Variants in MAST4 observed in about 807,000 individuals in gnomAD.
MAST4 encodes the protein microtubule-associated serine/threonine-protein kinase 4.
In MAST4, 89 loss-of-function variants were observed where a neutral mutation model predicts 162.7. The ratio of observed to expected loss-of-function variants is 0.55; its 90% confidence interval spans 0.46 to 0.65. The LOEUF (loss-of-function observed/expected upper bound fraction) is 0.65. Ranked by LOEUF, MAST4 falls within the 30% of genes least tolerant of loss-of-function variation. The pLI is 0.00. For synonymous variants in MAST4, 1,479 were observed against 1,361.1 expected, an observed-to-expected ratio of 1.09 and a Z score of -1.91; for missense variants, 3,153 against 3,374.0, an observed-to-expected ratio of 0.93 and a Z score of 1.62.
At chr5:67,126,196 C>T (rs1451331339) in intron 14 of MAST4, among the ~76,000 whole-genome samples, 10 of 152,046 alleles carry the variant, frequency 6.6e-5, no homozygotes, top group South Asian at 2.1e-4. Context: ...CTGTAGGTTG[C>T]GTGTTCACTC....
At chr5:66,824,087 C>T (rs1390401583) in intron 3 of MAST4, among the ~76,000 whole-genome samples, 2 of 152,194 alleles carry the variant, frequency 1.3e-5, no homozygotes, top group African/African-American at 4.8e-5. Flanking sequence ...TATTGACTTA[C>T]CTCTGAATGA....
At chr5:66,619,210 A>C (rs1399465587) in intron 1 of MAST4, among the ~76,000 whole-genome samples, 3 of 152,082 alleles carry the variant, frequency 2.0e-5, no homozygotes, top group Non-Finnish European at 4.4e-5. Context: ...TGGGGACTTG[A>C]CGGGATGTTT....
At chr5:67,143,148 T>G (rs1237813901) in intron 21 of MAST4, 2 of 152,062 alleles carry the variant, frequency 1.3e-5, no homozygotes, top group Admixed American at 6.6e-5. Context: ...CTGCCAGGCA[T>G]AGTGGCTCAC....
At position 67,134,633 on chromosome 5, in the gene MAST4, A is replaced by G. The variant is rs759088961; in HGVS notation, c.2337A>G (p.Gly779=). Reference sequence around the variant, plus strand: ...TTATCCTCTATGAATTTCTGGTTGGATGCGTGCCATTCTTTGGGGATACTC... The same window carrying G: ...TTATCCTCTATGAATTTCTGGTTGGGTGCGTGCCATTCTTTGGGGATACTC... ...MGIILYEFLV[G]CVPFFGDTPE... Residue 779 remains glycine (G), a synonymous_variant, in exon 18 of 29, where the codon GGA becomes GGG. Transcript: ENST00000403625. 2 of 1,613,632 alleles carry G rather than the reference A, an allele frequency of 1.2e-6. No individual in the cohort carries two copies. Among genetic ancestry groups the G allele is most frequent in the East Asian group, 2.2e-5 (1 of 44,884 alleles).
rs540524632 is a variant in MAST4 at position 66,750,454 on chromosome 5, C to T, written c.364-9255C>T. ...GTGGGTGCGTGCACCGTGTGCGAGC[C>T]GAAGCAGGGCGAGGCACTGCCTCAC... On this transcript the variant is annotated intron_variant, in intron 1 of 28. Transcript: ENST00000403625. 7.5e-3 allele frequency among the ~76,000 whole-genome samples: 1,141 copies of T among 152,270 alleles called. 2 individuals carry two copies. Among genetic ancestry groups the T allele is most frequent in the Middle Eastern group, 0.024 (7 of 294 alleles).
At chr5:66,755,495 A>G (rs1157635460) in intron 1 of MAST4, among the ~76,000 whole-genome samples, 1 of 152,178 alleles carries the variant, frequency 6.6e-6, no homozygotes, top group Non-Finnish European at 1.5e-5. Context: ...TTATAGACAG[A>G]TGGGTGGTAT....
chr5:67,058,433 C>T (rs746369701), intron 5 of MAST4, among the ~76,000 whole-genome samples: 5 of 152,156 alleles, frequency 3.3e-5, no homozygotes, highest in Non-Finnish European at 7.4e-5. Context: ...ATTTATCTTA[C>T]TGATATTCTC....
chr5:66,645,934 C>T (rs1745802613), intron 1 of MAST4, among the ~76,000 whole-genome samples: 1 of 152,050 alleles, frequency 6.6e-6, no homozygotes, highest in African/African-American at 2.4e-5. Flanking sequence ...GGTTTTAAAA[C>T]ATTTTAGACA....
Position 66,733,529 on chromosome 5 carries a change from G to A in MAST4, c.364-26180G>A, listed in dbSNP as rs189267905. Among the ~76,000 whole-genome samples, 244 of 152,186 alleles carry A rather than the reference G, an allele frequency of 1.6e-3. 1 individual carries two copies. The highest frequency in any genetic ancestry group is 1.7e-3 in the Non-Finnish European group (118 of 68,016). On this transcript the variant is annotated intron_variant, in intron 1 of 28. Coordinates refer to ENST00000403625, the MANE Select transcript of MAST4 (RefSeq NM_001164664.2). Reference sequence around the variant, plus strand: ...GGCTGGAGTGCAGTGGTGCGATCTCGGCTCATTGCAACCTCCGCCTCGGGT... The same window carrying A: ...GGCTGGAGTGCAGTGGTGCGATCTCAGCTCATTGCAACCTCCGCCTCGGGT...
At chr5:67,034,935 A>G (rs1387875380) in intron 4 of MAST4, among the ~76,000 whole-genome samples, 2 of 152,196 alleles carry the variant, frequency 1.3e-5, no homozygotes, top group African/African-American at 4.8e-5. Flanking sequence ...TATAAACCAA[A>G]AAGAAAGTTC....
intron 1 of MAST4, among the ~76,000 whole-genome samples, chr5:66,733,705 C>G (rs919129470): frequency 2.6e-5 from 4 of 152,046 alleles, no homozygotes; most frequent in Non-Finnish European, 5.9e-5. Context: ...GTGAGCCACC[C>G]ACCTCGGCCT....
intron 3 of MAST4, among the ~76,000 whole-genome samples, chr5:66,892,135 C>T (rs1322000378): frequency 1.3e-5 from 2 of 152,370 alleles, no homozygotes; most frequent in East Asian, 3.9e-4. Context: ...GGTTGAGTCA[C>T]ATGTCATCTT....
chr5:66,916,545 A>G (rs1296658959), intron 4 of MAST4, among the ~76,000 whole-genome samples: 2 of 152,226 alleles, frequency 1.3e-5, no homozygotes, highest in East Asian at 1.9e-4. Context: ...AAAGTTATAC[A>G]AAGAGGAGGT....
At chr5:66,931,041 G>A (rs180997164) in intron 4 of MAST4, 9 of 188,396 alleles carry the variant, frequency 4.8e-5, no homozygotes, top group Admixed American at 4.7e-4. Context: ...TTTTCTTGGA[G>A]GACCAAATTT....
chr5:66,881,203 A>G (rs1237638256), intron 3 of MAST4, among the ~76,000 whole-genome samples: 2 of 152,178 alleles, frequency 1.3e-5, no homozygotes, highest in Non-Finnish European at 2.9e-5. Flanking sequence ...TATATTTTTC[A>G]TGATACTGCT....
intron 4 of MAST4, among the ~76,000 whole-genome samples, chr5:67,044,323 G>A (rs575510712): frequency 5.9e-5 from 9 of 152,148 alleles, no homozygotes; most frequent in South Asian, 2.1e-4. Context: ...CATGACCTGC[G>A]CCAATGACCT....
At chr5:66,769,164 C>A (rs1213407061) in intron 2 of MAST4, among the ~76,000 whole-genome samples, 1 of 152,156 alleles carries the variant, frequency 6.6e-6, no homozygotes, top group African/African-American at 2.4e-5. Context: ...TAGGGAAATT[C>A]ATGTACTGGG....
At chr5:67,063,080 A>T (rs1039226443) in intron 5 of MAST4, among the ~76,000 whole-genome samples, 1 of 151,898 alleles carries the variant, frequency 6.6e-6, no homozygotes, top group African/African-American at 2.4e-5. Flanking sequence ...TTCACAGTGC[A>T]TCTGTTCTGT....
chr5:66,626,771 G>A (rs918434355), intron 1 of MAST4, among the ~76,000 whole-genome samples: 1 of 152,172 alleles, frequency 6.6e-6, no homozygotes, highest in Non-Finnish European at 1.5e-5. Context: ...AAGGGGTGAG[G>A]GTTGAGATTT....
Sources: gnomAD v4.1 joint callset for allele counts (sites outside exome capture counted in the v4.1 genomes callset) on GRCh38, gnomAD v4.1.1 for gene constraint, MANE v1.5 for transcripts, NCBI Gene and HGNC (gene_info 2026-07-23, HGNC 2026-07-21) for gene names.